WTIP: variants seen among roughly 807,000 people sequenced by gnomAD.
WTIP encodes WT1 interacting protein.
Under a neutral mutation model 41.7 loss-of-function variants are expected in WTIP, and 23 were observed. That is an observed-to-expected ratio of 0.55 (90% confidence interval 0.40 to 0.78). The LOEUF (loss-of-function observed/expected upper bound fraction) is 0.78. WTIP is among the 30% of genes least tolerant of loss of function. The probability of loss-of-function intolerance (pLI) is 0.00; values close to 1 mark genes in which losing one functional copy is unlikely to be tolerated. For synonymous variants in WTIP, 314 were observed against 269.9 expected (o/e 1.16, Z -1.60); for missense variants, 619 against 610.5 (o/e 1.01, Z -0.15).
chr19:34,492,739 A>G (rs891157540), intron 2 of WTIP, among the ~76,000 whole-genome samples: 1 of 151,898 alleles, frequency 6.6e-6, no homozygotes, highest in African/African-American at 2.4e-5. Flanking sequence ...TGTGAATTCA[A>G]CTGATCTTCA....
intron 6 of WTIP, 141 bp downstream of exon 6, chr19:34,494,778 A>C: frequency 1.2e-6 from 1 of 855,576 alleles, no homozygotes; most frequent in Non-Finnish European, 1.8e-6. Flanking sequence ...GGGCTGAGGG[A>C]TGTGTGTTGT....
intron 1 of WTIP, 166 bp downstream of exon 1, chr19:34,482,807 G>A (rs1414467838): frequency 9.1e-6 from 9 of 984,068 alleles, no homozygotes; most frequent in Non-Finnish European, 9.7e-6. Context: ...GGGGACTGGG[G>A]AGCGCAAAGG....
chr19:34,494,782 G>C, intron 6 of WTIP, 145 bp downstream of exon 6: 1 of 838,722 alleles, frequency 1.2e-6, no homozygotes, highest in African/African-American at 1.7e-5. Flanking sequence ...TGAGGGATGT[G>C]TGTTGTGCTT....
chr19:34,490,566 G>T, intron 2 of WTIP, 89 bp downstream of exon 2: 1 of 1,337,342 alleles, frequency 7.5e-7, no homozygotes, highest in African/African-American at 1.4e-5. Context: ...CCTGAGTCCA[G>T]GCAGATGGAC....
intron 7 of WTIP, among the ~76,000 whole-genome samples, chr19:34,498,199 A>G (rs1410130333): frequency 6.6e-6 from 1 of 152,118 alleles, no homozygotes; most frequent in East Asian, 1.9e-4. Context: ...CAAAGCCGCC[A>G]GCATTCCAGC....
rs1161061665 is a variant in WTIP at position 34,493,131 on chromosome 19, G to A, written c.837+27G>A. ...TGAGTCCAAGCTGTGCCCTGGCAGTGCCAGGGGTGGGAGGTGGGGCAGGGA... is the reference window on the plus strand; with the variant it reads ...TGAGTCCAAGCTGTGCCCTGGCAGTACCAGGGGTGGGAGGTGGGGCAGGGA... On this transcript the variant is annotated intron_variant, in intron 3 of 7. Transcript: ENST00000590071. This position sits in a 1 kb window ranked among gnomAD's most constrained non-coding sequence, Gnocchi z 4.1. The A allele has an allele frequency of 6.2e-7, 1 of 1,613,910 alleles. No homozygotes were observed. Among genetic ancestry groups the A allele is most frequent in the Admixed American group, 1.7e-5 (1 of 60,020 alleles).
At chr19:34,482,737 C>T in intron 1 of WTIP, 96 bp downstream of exon 1, 1 of 1,201,744 alleles carries the variant, frequency 8.3e-7, no homozygotes, top group Non-Finnish European at 1.0e-6. Flanking sequence ...CGGAGGAGAG[C>T]ACGGGGCTGG....
At chr19:34,496,563 A>T (rs185502646) in intron 7 of WTIP, among the ~76,000 whole-genome samples, 1 of 151,432 alleles carries the variant, frequency 6.6e-6, no homozygotes. Context: ...GTGCTCCCTG[A>T]GCAGCTGGAG....
At position 34,501,970 on chromosome 19, in the gene WTIP, TTTG is replaced by T; in HGVS notation, c.*1702_*1704del. 1 of 150,938 alleles carries T rather than the reference TTTG, an allele frequency of 6.6e-6. No individual in the cohort carries two copies. The allele number at this position is 150,938 out of a possible 1,614,324, so 9.3% of individuals were successfully genotyped here. ...TTTTCTTTTCTTTTCTTTTTTTTTT[TTTG>T]AGACGGAGTGTCATTGTGTCACCCA... On this transcript the variant is annotated 3_prime_UTR_variant, in exon 8 of 8. Coordinates refer to ENST00000590071, the MANE Select transcript of WTIP (RefSeq NM_001080436.2).
At position 34,504,421 on chromosome 19, in the gene WTIP, GTC is replaced by G; in HGVS notation, c.*4154_*4155del. The G allele has an allele frequency of 6.6e-6, 1 of 151,042 alleles. No homozygotes were observed. Among genetic ancestry groups the G allele is most frequent in the Non-Finnish European group, 1.5e-5 (1 of 68,110 alleles). 9.4% of individuals were successfully genotyped at this position (151,042 alleles called of 1,614,324 possible). ...TGTTTGTTTGTGTGTGTGTGTGTGT[GTC>G]TGTGTGTGTGTTGGCGTCGCCCTGA... On this transcript the variant is annotated 3_prime_UTR_variant, in exon 8 of 8. Coordinates refer to ENST00000590071, the MANE Select transcript of WTIP (RefSeq NM_001080436.2).
intron 7 of WTIP, among the ~76,000 whole-genome samples, chr19:34,498,340 C>T (rs1163109281): frequency 6.6e-6 from 1 of 152,192 alleles, no homozygotes; most frequent in Non-Finnish European, 1.5e-5. Flanking sequence ...GCTCCAGGGA[C>T]CCCTGTGTGG....
rs923741489 is a variant in WTIP, at chr19:34,510,511, G to A, written c.*10242G>A. ...TCCTAGGCTTCTGGGTCTGTGATGGGAAGACCAATGACATGCCCTGGAGAC... is the reference window on the plus strand; with the variant it reads ...TCCTAGGCTTCTGGGTCTGTGATGGAAAGACCAATGACATGCCCTGGAGAC... On this transcript the variant is annotated 3_prime_UTR_variant, in exon 8 of 8. Transcript: ENST00000590071. 1.3e-5 allele frequency: 2 copies of A among 152,192 alleles called. No homozygotes were observed. The highest frequency in any genetic ancestry group is 4.8e-5 in the African/African-American group (2 of 41,436). The allele number at this position is 152,192 out of a possible 1,614,324, so 9.4% of individuals were successfully genotyped here.
chr19:34,482,608 G>T lies in WTIP; in HGVS notation c.634G>T (p.Ala212Ser), dbSNP rs2075774654. ...LEALTRELERALEARTARDYF... is the reference protein window; with the variant it reads ...LEALTRELERSLEARTARDYF... ...GGCGCTCACCCGGGAGCTGGAGCGG[G>T]CGCTCGAGGCGCGCACGGCGCGGGA... The change falls in exon 1 of 8, where the codon GCG (alanine) becomes TCG (serine). Residue 212 changes from alanine (A) to serine (S), a missense_variant. Physicochemically the swap from Ala to Ser is moderately conservative, Grantham distance 99. Around this residue, in one of 3 missense-constraint regions of WTIP, gnomAD observed 363 missense variants for 309.0 expected, o/e 1.17. Transcript: ENST00000590071. 8.1e-7 allele frequency: 1 copy of T among 1,229,818 alleles called. No individual in the cohort carries two copies. Among genetic ancestry groups the T allele is most frequent in the East Asian group, 3.2e-5 (1 of 31,548 alleles). The allele number at this position is 1,229,818 out of a possible 1,614,324, so 76.2% of individuals were successfully genotyped here.
intron 1 of WTIP, among the ~76,000 whole-genome samples, chr19:34,488,523 G>C (rs965445964): frequency 1.3e-5 from 2 of 151,510 alleles, no homozygotes; most frequent in Non-Finnish European, 2.9e-5. Flanking sequence ...ATGCCACCAT[G>C]CCTGGATATT....
intron 1 of WTIP, 31 bp downstream of exon 1, chr19:34,482,672 G>T (rs1277347973): frequency 2.5e-6 from 3 of 1,224,484 alleles, no homozygotes; most frequent in Non-Finnish European, 3.1e-6. Flanking sequence ...AGTTCCCTGC[G>T]CGCATGGCTG....
chr19:34,481,951 G>C lies in WTIP; in HGVS notation c.-24G>C. On this transcript the variant is annotated 5_prime_UTR_variant, in exon 1 of 8. Coordinates refer to ENST00000590071, the MANE Select transcript of WTIP (RefSeq NM_001080436.2). ...GGCGGGAAGCGGAGGCGGAGGTGAC[G>C]CGCCAGGGCCGGCGGGCCGGGCCAT... The C allele has an allele frequency of 4.0e-6, 4 of 996,182 alleles. No individual in the cohort carries two copies. The highest frequency in any genetic ancestry group is 4.8e-6 in the Non-Finnish European group (4 of 838,344). 61.7% of individuals were successfully genotyped at this position (996,182 alleles called of 1,614,324 possible). A position where few individuals can be genotyped will look rare whatever the true frequency, so the allele number is the denominator to read the frequency against.
chr19:34,494,294 C>T (rs911027744), intron 5 of WTIP, among the ~76,000 whole-genome samples: 2 of 152,016 alleles, frequency 1.3e-5, no homozygotes, highest in African/African-American at 4.8e-5. Context: ...TGGCTCATGC[C>T]TGTAATCCCA....
chr19:34,497,393 T>C (rs559124784), intron 7 of WTIP, among the ~76,000 whole-genome samples: 2 of 152,140 alleles, frequency 1.3e-5, no homozygotes, highest in East Asian at 3.9e-4. Flanking sequence ...TTGCTCTCGT[T>C]GTTAAAGGTG....
chr19:34,500,450 T>A lies in WTIP; in HGVS notation c.*181T>A. ...TATTCACCGTCTGTGCCTGCTCAAG[T>A]CACTTCCCTGCGGGCCCTGCCTCCC... On this transcript the variant is annotated 3_prime_UTR_variant, in exon 8 of 8. Coordinates refer to ENST00000590071, the MANE Select transcript of WTIP (RefSeq NM_001080436.2). 1 of 883,818 alleles carries A rather than the reference T, an allele frequency of 1.1e-6. No individual in the cohort carries two copies. The highest frequency in any genetic ancestry group is 1.6e-6 in the Non-Finnish European group (1 of 620,046). The allele number at this position is 883,818 out of a possible 1,614,324, so 54.7% of individuals were successfully genotyped here. A position where few individuals can be genotyped will look rare whatever the true frequency, so the allele number is the denominator to read the frequency against.
Sources: allele counts gnomAD v4.1 joint callset (sites outside exome capture counted in the v4.1 genomes callset), GRCh38; gene constraint gnomAD v4.1.1; regional missense constraint gnomAD v4.1.1; non-coding constraint Gnocchi (gnomAD v3.1); transcripts MANE v1.5; gene names NCBI Gene and HGNC (gene_info 2026-07-23, HGNC 2026-07-21).